Variants in LSM14B observed in about 807,000 individuals in gnomAD.
LSM14B encodes LSM family member 14B.
In LSM14B, 8 loss-of-function variants were observed where a neutral mutation model predicts 42.1. The observed-to-expected ratio is 0.19, with a 90% CI of 0.11 to 0.34. The LOEUF (loss-of-function observed/expected upper bound fraction) is 0.34, where lower values mean the gene tolerates loss of function less well. Among genes scored for constraint, LSM14B ranks in the 10% least tolerant of loss-of-function variants. LSM14B has a pLI of 1.00. For synonymous variants in LSM14B, 219 were observed against 209.7 expected (o/e 1.04, Z -0.38); for missense variants, 396 against 513.1 (o/e 0.77, Z 2.21).
In LSM14B at chr20:62,126,113, T is replaced by C. The variant is rs1053166270; in HGVS notation, c.292-191T>C. The C allele has an allele frequency of 2.4e-5, 17 of 712,802 alleles. 1 individual carries two copies. Among genetic ancestry groups the C allele is most frequent in the South Asian group, 5.2e-5 (3 of 57,976 alleles). 44.2% of individuals were successfully genotyped at this position (712,802 alleles called of 1,614,324 possible). On this transcript the variant is annotated intron_variant, in intron 2 of 8. Coordinates refer to ENST00000279068, the MANE Select transcript of LSM14B (RefSeq NM_144703.3). The stretch of plus-strand genomic sequence containing the variant: ...AAGGAATTACATGGACAGGTGAAAC[T>C]GGAACTGAAATGCTGTGGAAAAGGC...
intron 1 of LSM14B, chr20:62,123,415 G>A (rs2056474150): frequency 6.6e-6 from 1 of 152,406 alleles, no homozygotes; most frequent in South Asian, 2.1e-4. Flanking sequence ...GGTTTAAACG[G>A]TTCTCCTGCT....
rs1314743778 is a variant in LSM14B, at chr20:62,122,646, C to G, written c.-21C>G. On this transcript the variant is annotated 5_prime_UTR_variant, in exon 1 of 9. Coordinates refer to ENST00000279068, the MANE Select transcript of LSM14B (RefSeq NM_144703.3). This position sits in a 1 kb window ranked among gnomAD's most constrained non-coding sequence, Gnocchi z 4.6. ...CCGGCGCTCCTTCCCCACCGCGGCC[C>G]GACGCACCCCGGCCGCCGCCATGAG... 3 of 1,371,528 alleles carry G rather than the reference C, an allele frequency of 2.2e-6. No homozygotes were observed. Among genetic ancestry groups the G allele is most frequent in the South Asian group, 2.8e-5 (2 of 71,402 alleles). 85.0% of individuals were successfully genotyped at this position (1,371,528 alleles called of 1,614,324 possible).
intron 1 of LSM14B, 128 bp from the exon 2 acceptor site, chr20:62,124,489 G>T: frequency 2.2e-6 from 2 of 908,166 alleles, no homozygotes; most frequent in Non-Finnish European, 3.3e-6. Flanking sequence ...TTGAAATGTG[G>T]ACCTGGGGTG....
intron 7 of LSM14B, among the ~76,000 whole-genome samples, 155 bp from the exon 8 acceptor site, chr20:62,133,135 G>A (rs950393628): frequency 1.3e-5 from 2 of 152,222 alleles, no homozygotes; most frequent in African/African-American, 4.8e-5. Context: ...CACCTGCAGT[G>A]CCGGAGCTGG....
At chr20:62,133,705 A>G (rs2056831524) in intron 8 of LSM14B, among the ~76,000 whole-genome samples, 1 of 152,166 alleles carries the variant, frequency 6.6e-6, no homozygotes, top group African/African-American at 2.4e-5. Flanking sequence ...TCCAAGTGAG[A>G]TTGCAGGTAT....
chr20:62,123,996 C>CT (rs1252551690), intron 1 of LSM14B, among the ~76,000 whole-genome samples: 1 of 152,212 alleles, frequency 6.6e-6, no homozygotes, highest in East Asian at 1.9e-4. Context: ...ACCTCTGCCC[C>CT]TAGAGGCTTG....
rs550446145 is a variant in LSM14B at position 62,122,655 on chromosome 20, C to T, written c.-12C>T. 3 of 1,413,894 alleles carry T rather than the reference C, an allele frequency of 2.1e-6. No homozygotes were observed. Among genetic ancestry groups the T allele is most frequent in the Non-Finnish European group, 2.8e-6 (3 of 1,064,772 alleles). 87.6% of individuals were successfully genotyped at this position (1,413,894 alleles called of 1,614,324 possible). ...CTTCCCCACCGCGGCCCGACGCACC[C>T]CGGCCGCCGCCATGAGCGGCTCCTC... On this transcript the variant is annotated 5_prime_UTR_variant, in exon 1 of 9. Coordinates refer to ENST00000279068, the MANE Select transcript of LSM14B (RefSeq NM_144703.3). The surrounding 1 kb of genome is among the most constrained non-coding windows in gnomAD (Gnocchi z 4.6).
At chr20:62,124,581 G>A (rs1409775882) in intron 1 of LSM14B, 36 bp from the exon 2 acceptor site, 2 of 1,601,808 alleles carry the variant, frequency 1.2e-6, no homozygotes, top group Non-Finnish European at 1.7e-6. Flanking sequence ...AACTGGCTGA[G>A]GACAACAATA....
At chr20:62,126,006 A>T (rs2056587001) in intron 2 of LSM14B, among the ~76,000 whole-genome samples, 1 of 152,230 alleles carries the variant, frequency 6.6e-6, no homozygotes, top group Non-Finnish European at 1.5e-5. Context: ...GGTTGCAGTG[A>T]GCTGAGATCA....
intron 2 of LSM14B, among the ~76,000 whole-genome samples, chr20:62,125,335 G>C (rs1392442288): frequency 6.6e-6 from 1 of 152,212 alleles, no homozygotes. Context: ...GTGTGCATGT[G>C]CGCGTGTGTA....
chr20:62,131,317 C>G (rs759568195), intron 6 of LSM14B, 39 bp from the exon 7 acceptor site: 2 of 1,557,394 alleles, frequency 1.3e-6, no homozygotes, highest in Non-Finnish European at 1.7e-6. Flanking sequence ...GTGCGCTCTG[C>G]CCCTCCTCCA....
At position 62,124,561 on chromosome 20, in the gene LSM14B, G is replaced by C. The variant is rs1292889098; in HGVS notation, c.128-56G>C. The C allele has an allele frequency of 1.0e-5, 16 of 1,577,610 alleles. 1 individual carries two copies. Among genetic ancestry groups the C allele is most frequent in the Middle Eastern group, 3.4e-4 (2 of 5,856 alleles). ...GGAAGGCTTGGGAGCAGTGGTGTCA[G>C]GGTTGATTGAACTGGCTGAGGACAA... On this transcript the variant is annotated intron_variant, in intron 1 of 8. Coordinates refer to ENST00000279068, the MANE Select transcript of LSM14B (RefSeq NM_144703.3).
In LSM14B at chr20:62,122,817, C is replaced by G. The variant is rs1255898305; in HGVS notation, c.127+24C>G. The stretch of plus-strand genomic sequence containing the variant: ...AGGTAGCGGCCGCCGCCCGCCCGAG[C>G]CCGCTGACCCCCGTCCGCCAACAGC... On this transcript the variant is annotated intron_variant, in intron 1 of 8. Transcript: ENST00000279068. The surrounding 1 kb of genome is among the most constrained non-coding windows in gnomAD (Gnocchi z 4.6). 3.4e-6 allele frequency: 5 copies of G among 1,470,070 alleles called. No homozygotes were observed. The highest frequency in any genetic ancestry group is 1.5e-5 in the African/African-American group (1 of 67,798). The allele number at this position is 1,470,070 out of a possible 1,614,324, so 91.1% of individuals were successfully genotyped here.
At chr20:62,123,902 C>G (rs2056499922) in intron 1 of LSM14B, among the ~76,000 whole-genome samples, 1 of 152,152 alleles carries the variant, frequency 6.6e-6, no homozygotes, top group African/African-American at 2.4e-5. Flanking sequence ...TACAGGAGAG[C>G]CCAGTTAGAG....
At chr20:62,127,476 T>C (rs1243590128) in intron 3 of LSM14B, 1 of 752,936 alleles carries the variant, frequency 1.3e-6, no homozygotes, top group Non-Finnish European at 2.2e-6. Context: ...TATGACAGAA[T>C]CCTACAAGAG....
rs371318315 is a variant in LSM14B, at chr20:62,130,168, G to T, written c.596-51G>T. 3 of 1,552,000 alleles carry T rather than the reference G, an allele frequency of 1.9e-6. No homozygotes were observed. The African/African-American group carries it at 4.1e-5, about 21-fold the overall frequency. ...GGCCTGCTTCCACAGCTGGGTTCTG[G>T]CTTCCGGCTGCTATAGGAGCTTTGC... On this transcript the variant is annotated intron_variant, in intron 4 of 8. Coordinates refer to ENST00000279068, the MANE Select transcript of LSM14B (RefSeq NM_144703.3). This position sits in a 1 kb window ranked among gnomAD's most constrained non-coding sequence, Gnocchi z 4.1.
At position 62,133,317 on chromosome 20, in the gene LSM14B, G is replaced by C; in HGVS notation, c.1014G>C (p.Glu338Asp). Reference protein sequence around the residue: ...TSSRRTTWAEERKLNTETFGV... With the variant: ...TSSRRTTWAEDRKLNTETFGV... ...CCAGGCGGACGACGTGGGCCGAAGAGAGGAAGCTCAACACAGAGACCTTTG... is the reference window on the plus strand; with the variant it reads ...CCAGGCGGACGACGTGGGCCGAAGACAGGAAGCTCAACACAGAGACCTTTG... Residue 338 changes from glutamate (E) to aspartate (D), a missense_variant, in exon 8 of 9, where the codon GAG becomes GAC. Physicochemically the swap from Glu to Asp is conservative, Grantham distance 45. This residue lies in a region of LSM14B where 118 missense variants were observed against 156.4 expected (regional missense o/e 0.75). Coordinates refer to ENST00000279068, the MANE Select transcript of LSM14B (RefSeq NM_144703.3). 1 of 1,613,642 alleles carries C rather than the reference G, an allele frequency of 6.2e-7. No homozygotes were observed. The highest frequency in any genetic ancestry group is 8.5e-7 in the Non-Finnish European group (1 of 1,179,700).
Position 62,122,612 on chromosome 20 carries a change from GGCC to G in LSM14B, c.-52_-50del, listed in dbSNP as rs2056433363. 9.1e-7 allele frequency: 1 copy of G among 1,101,926 alleles called. No individual in the cohort carries two copies. The highest frequency in any genetic ancestry group is 1.7e-5 in the African/African-American group (1 of 58,474). 68.3% of individuals were successfully genotyped at this position (1,101,926 alleles called of 1,614,324 possible). A position where few individuals can be genotyped will look rare whatever the true frequency, so the allele number is the denominator to read the frequency against. ...CAGGCCACCGCGCGGCGGCGGAGCG[GGCC>G]GCGGCCCGGCGCTCCTTCCCCACCG... On this transcript the variant is annotated 5_prime_UTR_variant, in exon 1 of 9. Coordinates refer to ENST00000279068, the MANE Select transcript of LSM14B (RefSeq NM_144703.3). This position sits in a 1 kb window ranked among gnomAD's most constrained non-coding sequence, Gnocchi z 4.6.
chr20:62,130,210 G>C lies in LSM14B; in HGVS notation c.596-9G>C. On this transcript the variant is annotated splice_polypyrimidine_tract_variant and intron_variant, in intron 4 of 8. Coordinates refer to ENST00000279068, the MANE Select transcript of LSM14B (RefSeq NM_144703.3). This position sits in a 1 kb window ranked among gnomAD's most constrained non-coding sequence, Gnocchi z 4.1. ...GAGCTTTGCCTTACTCTTCCCTTTT[G>C]CGCCGTAGATGTAGTCCAGCCGGCA... 1 of 1,591,228 alleles carries C rather than the reference G, an allele frequency of 6.3e-7. No individual in the cohort carries two copies. The highest frequency in any genetic ancestry group is 1.1e-5 in the South Asian group (1 of 87,472).
Sources: allele counts gnomAD v4.1 joint callset (sites outside exome capture counted in the v4.1 genomes callset), GRCh38; gene constraint gnomAD v4.1.1; regional missense constraint gnomAD v4.1.1; non-coding constraint Gnocchi (gnomAD v3.1); transcripts MANE v1.5; gene names NCBI Gene and HGNC (gene_info 2026-07-23, HGNC 2026-07-21).